The following PRKG1 variants were observed in gnomAD, a reference collection of about 807,000 sequenced individuals.
PRKG1 encodes the protein protein kinase cGMP-dependent 1, also known as cGMP-dependent protein kinase 1.
In PRKG1, 35 loss-of-function variants were observed where a neutral mutation model predicts 88.1. That is an observed-to-expected ratio of 0.40 (90% CI 0.30 to 0.53). The LOEUF is 0.53. Ranked by LOEUF, PRKG1 falls within the 20% of genes least tolerant of loss-of-function variation. The probability of loss-of-function intolerance (pLI) is 0.59; values close to 1 mark genes in which losing one functional copy is unlikely to be tolerated. For synonymous variants in PRKG1, 303 were observed against 292.5 expected (o/e 1.04, Z -0.37); for missense variants, 540 against 839.8 (o/e 0.64, Z 4.41).
At chr10:52,187,835 G>T (rs1839238045) in intron 9 of PRKG1, among the ~76,000 whole-genome samples, 1 of 152,136 alleles carries the variant, frequency 6.6e-6, no homozygotes. Flanking sequence ...AGCTGATAAG[G>T]TATTGTCATC....
intron 5 of PRKG1, among the ~76,000 whole-genome samples, chr10:51,917,356 G>A (rs566332740): frequency 6.6e-6 from 1 of 150,968 alleles, no homozygotes; most frequent in African/African-American, 2.4e-5. Flanking sequence ...TTTCTTTTTA[G>A]GGTGATAAAA....
At chr10:51,879,213 CTATAA>C (rs1195061811) in intron 4 of PRKG1, among the ~76,000 whole-genome samples, 1 of 152,160 alleles carries the variant, frequency 6.6e-6, no homozygotes, top group Non-Finnish European at 1.5e-5. Flanking sequence ...GAAACCTGGA[CTATAA>C]TATATTTGTA....
At chr10:51,712,684 G>C (rs1470266861) in intron 3 of PRKG1, among the ~76,000 whole-genome samples, 1 of 142,156 alleles carries the variant, frequency 7.0e-6, no homozygotes, top group Non-Finnish European at 1.5e-5. Flanking sequence ...CTGCCTCCCA[G>C]GTTCACGCTA....
chr10:51,832,969 G>C (rs1320253805), intron 4 of PRKG1, among the ~76,000 whole-genome samples: 1 of 152,112 alleles, frequency 6.6e-6, no homozygotes, highest in Admixed American at 6.5e-5. Flanking sequence ...ATCTTGCCTG[G>C]TTAATGTCGA....
At chr10:52,165,883 A>C (rs1367153953) in intron 9 of PRKG1, among the ~76,000 whole-genome samples, 1 of 152,240 alleles carries the variant, frequency 6.6e-6, no homozygotes, top group South Asian at 2.1e-4. Flanking sequence ...TCAGGTAGAT[A>C]GTCTAGGAAG....
intron 1 of PRKG1, among the ~76,000 whole-genome samples, chr10:51,148,827 A>G (rs1451807045): frequency 6.6e-6 from 1 of 152,150 alleles, no homozygotes; most frequent in Non-Finnish European, 1.5e-5. Flanking sequence ...GAAAACCTCC[A>G]CAAATTTAGT....
At chr10:51,142,795 A>G (rs1372312890) in intron 1 of PRKG1, among the ~76,000 whole-genome samples, 2 of 152,138 alleles carry the variant, frequency 1.3e-5, no homozygotes, top group East Asian at 3.8e-4. Context: ...TGAAAACATG[A>G]AATGCTCTAT....
At chr10:51,834,991 T>C (rs1840097695) in intron 4 of PRKG1, among the ~76,000 whole-genome samples, 1 of 152,052 alleles carries the variant, frequency 6.6e-6, no homozygotes, top group African/African-American at 2.4e-5. Flanking sequence ...TCACTTCCCC[T>C]CAATGTAGAC....
intron 3 of PRKG1, among the ~76,000 whole-genome samples, chr10:51,672,991 G>T (rs548568555): frequency 2.6e-5 from 4 of 152,206 alleles, no homozygotes; most frequent in Admixed American, 2.0e-4. Flanking sequence ...GAGACCCAAG[G>T]TTCTGTCTTT....
chr10:51,077,086 G>A (rs1843971878), intron 1 of PRKG1, among the ~76,000 whole-genome samples: 1 of 152,072 alleles, frequency 6.6e-6, no homozygotes. Flanking sequence ...ACCTTTCTTA[G>A]GGAAAAAAGA....
chr10:52,270,256 T>G (rs1174844889), intron 10 of PRKG1, among the ~76,000 whole-genome samples: 2 of 152,082 alleles, frequency 1.3e-5, no homozygotes, highest in Non-Finnish European at 2.9e-5. Flanking sequence ...ATAGGAACAC[T>G]TTTACACTGT....
At chr10:51,922,741 T>C (rs1842488633) in intron 5 of PRKG1, among the ~76,000 whole-genome samples, 1 of 152,068 alleles carries the variant, frequency 6.6e-6, no homozygotes. Flanking sequence ...TTTAATTTAA[T>C]TGTAGTCTAA....
chr10:51,065,904 A>G (rs139900423), intron 1 of PRKG1, among the ~76,000 whole-genome samples: 2 of 152,212 alleles, frequency 1.3e-5, no homozygotes, highest in East Asian at 3.9e-4. Flanking sequence ...CATTGTGATA[A>G]AGTGCTTTTA....
intron 7 of PRKG1, among the ~76,000 whole-genome samples, chr10:52,087,169 G>A (rs894281155): frequency 6.6e-6 from 1 of 152,134 alleles, no homozygotes; most frequent in Non-Finnish European, 1.5e-5. Flanking sequence ...AACGTATGAG[G>A]GGATTTGTTC....
chr10:51,027,394 A>G (rs1042664817), intron 1 of PRKG1, among the ~76,000 whole-genome samples: 8 of 152,190 alleles, frequency 5.3e-5, no homozygotes, highest in Admixed American at 5.2e-4. Flanking sequence ...TGGGCCATTT[A>G]TCTAGCTCAC....
intron 5 of PRKG1, among the ~76,000 whole-genome samples, chr10:52,041,153 T>C (rs985689546): frequency 1.3e-5 from 2 of 152,204 alleles, no homozygotes; most frequent in Non-Finnish European, 2.9e-5. Flanking sequence ...ACATATCTTC[T>C]GTGCCTAATT....
rs1015174891 is a variant in PRKG1 at position 51,541,791 on chromosome 10, A to G, written c.592+73955A>G. On this transcript the variant is annotated intron_variant, in intron 3 of 17. Coordinates refer to ENST00000373980, the MANE Select transcript of PRKG1 (RefSeq NM_006258.4). ...AGATTAGTCTTCAAATATTTTGCTC[A>G]GAAATATCATTTAACTGATACCTAG... 2.6e-5 allele frequency among the ~76,000 whole-genome samples: 4 copies of G among 152,190 alleles called. No homozygotes were observed. The East Asian group carries it at 7.7e-4, about 29-fold the overall frequency.
At chr10:51,607,723 A>T (rs1838804161) in intron 3 of PRKG1, among the ~76,000 whole-genome samples, 1 of 152,334 alleles carries the variant, frequency 6.6e-6, no homozygotes, top group Admixed American at 6.5e-5. Context: ...CATTGAAATG[A>T]TGACTACATT....
At chr10:51,603,353 T>C (rs1247620285) in intron 3 of PRKG1, among the ~76,000 whole-genome samples, 1 of 152,188 alleles carries the variant, frequency 6.6e-6, no homozygotes, top group African/African-American at 2.4e-5. Context: ...TTATTTTCAA[T>C]CTTTTTGTCT....
Sources: gnomAD v4.1 joint callset for allele counts (sites outside exome capture counted in the v4.1 genomes callset) on GRCh38, gnomAD v4.1.1 for gene constraint, MANE v1.5 for transcripts, NCBI Gene and HGNC (gene_info 2026-07-23, HGNC 2026-07-21) for gene names.